NKPD1: variants seen among roughly 807,000 people sequenced by gnomAD.
The protein encoded by NKPD1 is NTPase KAP family P-loop domain-containing protein 1.
NKPD1 carries 37 observed loss-of-function variants against 42.2 expected under a neutral mutation model. The ratio of observed to expected loss-of-function variants is 0.88; its 90% CI spans 0.67 to 1.15. The LOEUF (loss-of-function observed/expected upper bound fraction) is 1.15, where lower values mean the gene tolerates loss of function less well. Among genes scored for constraint, NKPD1 ranks in the 50% most tolerant of loss-of-function variants. The pLI is 0.00. For missense variants in NKPD1, 1,113 were observed against 1,174.6 expected (o/e 0.95, Z 0.77); for synonymous variants, 552 against 536.5 (o/e 1.03, Z -0.40).
Position 45,154,452 on chromosome 19 carries a change from A to G in NKPD1, c.662-677T>C, listed in dbSNP as rs559455697. ...TTAGGGAATGCCTGAACAATAGATCATGAGAAATCTGAGGTCACAGAGTGA... is the reference window on the plus strand; with the variant it reads ...TTAGGGAATGCCTGAACAATAGATCGTGAGAAATCTGAGGTCACAGAGTGA... On this transcript the variant is annotated intron_variant, in intron 4 of 4. Coordinates refer to ENST00000686631, the MANE Select transcript of NKPD1 (RefSeq NM_198478.4). 3.0e-3 allele frequency among the ~76,000 whole-genome samples: 451 copies of G among 152,336 alleles called. 2 individuals carry two copies. The highest frequency in any genetic ancestry group is 0.01 in the African/African-American group (421 of 41,580).
rs746879248 is a variant in NKPD1 at position 45,158,450 on chromosome 19, G to A, written c.529+213C>T. ...CTGCCTGGCGCAGGATGGAGGCACG[G>A]GGCAGGCCTGGCCTGGAAGCCTTGG... On this transcript the variant is annotated intron_variant, in intron 3 of 4. Coordinates refer to ENST00000686631, the MANE Select transcript of NKPD1 (RefSeq NM_198478.4). The surrounding 1 kb of genome is among the most constrained non-coding windows in gnomAD (Gnocchi z 4.6). Among the ~76,000 whole-genome samples, 12 of 152,254 alleles carry A rather than the reference G, an allele frequency of 7.9e-5. No homozygotes were observed. The highest frequency in any genetic ancestry group is 1.6e-4 in the Non-Finnish European group (11 of 68,040).
At chr19:45,154,647 C>G (rs1029567382) in intron 4 of NKPD1, among the ~76,000 whole-genome samples, 1 of 152,160 alleles carries the variant, frequency 6.6e-6, no homozygotes, top group African/African-American at 2.4e-5. Flanking sequence ...GCTGGGCACA[C>G]GTAGGAGGAA....
rs1968784828 is a variant in NKPD1, at chr19:45,151,952, G to A, written c.2485C>T (p.Pro829Ser). The A allele has an allele frequency of 6.4e-7, 1 of 1,570,198 alleles. No individual in the cohort carries two copies. Among genetic ancestry groups the A allele is most frequent in the Non-Finnish European group, 8.7e-7 (1 of 1,153,714 alleles). ...CALFRPGQSS[P>S]GGP ...AAGTCCTCCATTTAAGGCCCACCTGGGCTGGATTGCCCTGGACGGAAGAGC... is the reference window on the plus strand; with the variant it reads ...AAGTCCTCCATTTAAGGCCCACCTGAGCTGGATTGCCCTGGACGGAAGAGC... Residue 829 changes from proline to serine, a missense_variant, in exon 5 of 5, where the codon CCA becomes TCA. Pro to Ser is a moderately conservative substitution (Grantham distance 74, BLOSUM62 -1). Coordinates refer to ENST00000686631, the MANE Select transcript of NKPD1 (RefSeq NM_198478.4).
In NKPD1 at chr19:45,152,390, C is replaced by T. The variant is rs756931210; in HGVS notation, c.2047G>A (p.Ala683Thr). 3.2e-6 allele frequency: 5 copies of T among 1,577,748 alleles called. No individual in the cohort carries two copies. The Admixed American group carries it at 7.2e-5, about 23-fold the overall frequency. ...CLEDRQQTGG[A>T]PEGRARLWDV... ...CAGAGGCGCGCGCGGCCCTCGGGCGCGCCCCCGGTCTGCTGCCGGTCCTCC... is the reference window on the plus strand; with the variant it reads ...CAGAGGCGCGCGCGGCCCTCGGGCGTGCCCCCGGTCTGCTGCCGGTCCTCC... Residue 683 changes from alanine to threonine, a missense_variant, in exon 5 of 5, where the codon GCG (alanine) becomes ACG (threonine). Around this residue, in one of 3 missense-constraint regions of NKPD1, gnomAD observed 867 missense variants for 870.1 expected, o/e 1.00. Transcript: ENST00000686631.
At chr19:45,161,434 C>T (rs1969003748), upstream of NKPD1, among the ~76,000 whole-genome samples, 1 of 152,180 alleles carries the variant, frequency 6.6e-6, no homozygotes, top group South Asian at 2.1e-4. Context: ...ATTTACCTGG[C>T]GCTGTTCTAA....
Position 45,152,074 on chromosome 19 carries a change from C to G in NKPD1, c.2363G>C (p.Arg788Thr). The change falls in exon 5 of 5, where the codon AGG becomes ACG. Residue 788 changes from arginine (R) to threonine (T), a missense_variant. By Grantham distance (71) the Arg-to-Thr change is moderately conservative. Coordinates refer to ENST00000686631, the MANE Select transcript of NKPD1 (RefSeq NM_198478.4). ...HAAHRANSAS[R>T]APPSGRASGQ... ...TGAGGCACGGCCCGACGGGGGCGCC[C>G]TGGAGGCGCTGTTGGCCCGGTGGGC... The G allele has an allele frequency of 1.9e-6, 3 of 1,607,492 alleles. No individual in the cohort carries two copies. Among genetic ancestry groups the G allele is most frequent in the Non-Finnish European group, 2.5e-6 (3 of 1,177,756 alleles).
chr19:45,154,055 G>C (rs1968856451), intron 4 of NKPD1, among the ~76,000 whole-genome samples: 1 of 152,212 alleles, frequency 6.6e-6, no homozygotes, highest in African/African-American at 2.4e-5. Flanking sequence ...GATGGGAGGA[G>C]GCAAAAAGAG....
At position 45,153,367 on chromosome 19, in the gene NKPD1, AG is replaced by A. The variant is rs773894745; in HGVS notation, c.1069del (p.Leu357CysfsTer49). 2 of 1,566,848 alleles carry A rather than the reference AG, an allele frequency of 1.3e-6. No individual in the cohort carries two copies. Among genetic ancestry groups the A allele is most frequent in the East Asian group, 2.3e-5 (1 of 42,708 alleles). ...GTGGCCGCCCAGTGACAAGTAGAGC[AG>A]CCCCACACCCAGGCCCAGCGCCGCC... ...LLAALGLGVG[L>X]LYLSLGGHAL... On this transcript the variant is annotated frameshift_variant, in exon 5 of 5. Coordinates refer to ENST00000686631, the MANE Select transcript of NKPD1 (RefSeq NM_198478.4). LOFTEE classifies it high-confidence loss of function.
Position 45,153,120 on chromosome 19 carries a change from G to A in NKPD1, c.1317C>T (p.Asp439=), listed in dbSNP as rs372482412. The change falls in exon 5 of 5, where the codon GAC becomes GAT. Residue 439 remains aspartate, a synonymous_variant. Coordinates refer to ENST00000686631, the MANE Select transcript of NKPD1 (RefSeq NM_198478.4). ...GGTAGATCTCCAGGAAGCACAGGAA[G>A]TCGGTGAGCAGCTCCACCTCCTTCT... is the stretch of plus-strand genomic sequence containing the variant. The part of the protein sequence containing the change: ...EVKKEVELLT[D]FLCFLEIYQR... 4.6e-5 allele frequency: 72 copies of A among 1,575,948 alleles called. No individual in the cohort carries two copies. The African/African-American group carries it at 9.1e-4, about 20-fold the overall frequency.
rs879620181 is a variant in NKPD1, at chr19:45,155,316, CA to C, written c.661+468del. On this transcript the variant is annotated intron_variant, in intron 4 of 4. Coordinates refer to ENST00000686631, the MANE Select transcript of NKPD1 (RefSeq NM_198478.4). ...CTGGAGACAGAGCAAGATTCCGTCT[CA>C]AAAAAAAAAAGCTGCTGGGGAACCT... Among the ~76,000 whole-genome samples, 1,076 of 141,958 alleles carry C rather than the reference CA, an allele frequency of 7.6e-3. 11 individuals are homozygous for C. Among genetic ancestry groups the C allele is most frequent in the African/African-American group, 0.025 (977 of 39,050 alleles). The allele number at this position is 141,958 out of a possible 152,430, so 93.1% of individuals were successfully genotyped here.
rs1382124925 is a variant in NKPD1, at chr19:45,152,195, G to C, written c.2242C>G (p.His748Asp). 4 of 1,596,720 alleles carry C rather than the reference G, an allele frequency of 2.5e-6. No individual in the cohort carries two copies. The highest frequency in any genetic ancestry group is 3.4e-6 in the Non-Finnish European group (4 of 1,173,228). Residue 748 changes from histidine to aspartate, a missense_variant, in exon 5 of 5, where the codon CAC becomes GAC. Physicochemically the swap from His to Asp is moderately conservative, Grantham distance 81. Coordinates refer to ENST00000686631, the MANE Select transcript of NKPD1 (RefSeq NM_198478.4). ...AGACCCATGCGCCGGCGGATGGAGT[G>C]GTCCAGGTTGACCGTGCAGCGCAGC... is the stretch of plus-strand genomic sequence containing the variant. ...SLLRCTVNLD[H>D]SIRRRMGLIR... is the part of the protein sequence containing the mutation.
chr19:45,153,465 G>A lies in NKPD1; in HGVS notation c.972C>T (p.Ala324=), dbSNP rs755758240. The change falls in exon 5 of 5, where the codon GCC becomes GCT. Residue 324 remains alanine (A), a synonymous_variant. Coordinates refer to ENST00000686631, the MANE Select transcript of NKPD1 (RefSeq NM_198478.4). ...SVYSVLGNKP[A]TRQDCCQSEW... ...CGCTCTGGCAGCAGTCCTGCCTGGT[G>A]GCCGGCTTGTTGCCCAGCACCGAGT... 1.5e-5 allele frequency: 23 copies of A among 1,550,606 alleles called. No homozygotes were observed. The African/African-American group carries it at 3.1e-4, about 21-fold the overall frequency.
chr19:45,157,372 TCTC>T (rs1175528104), intron 3 of NKPD1, among the ~76,000 whole-genome samples: 2 of 152,114 alleles, frequency 1.3e-5, no homozygotes, highest in Admixed American at 6.5e-5. Flanking sequence ...ACATCCCCCA[TCTC>T]CTGTCCCTGC....
Position 45,160,231 on chromosome 19 carries a change from G to A in NKPD1, c.-71-10C>T, listed in dbSNP as rs374265619. 5.4e-5 allele frequency: 44 copies of A among 820,620 alleles called. No individual in the cohort carries two copies. Among genetic ancestry groups the A allele is most frequent in the South Asian group, 3.8e-4 (25 of 65,938 alleles). 50.8% of individuals were successfully genotyped at this position (820,620 alleles called of 1,614,324 possible). ...AGGCTTGGCGTAGCCTCTGGGGCACGAACAGCAGAGAGCTGAGGTCAGGGT... is the reference window on the plus strand; with the variant it reads ...AGGCTTGGCGTAGCCTCTGGGGCACAAACAGCAGAGAGCTGAGGTCAGGGT... On this transcript the variant is annotated splice_polypyrimidine_tract_variant and intron_variant, in intron 1 of 4. Coordinates refer to ENST00000686631, the MANE Select transcript of NKPD1 (RefSeq NM_198478.4).
chr19:45,162,650 C>T (rs1203551512), upstream of NKPD1, among the ~76,000 whole-genome samples: 1 of 152,140 alleles, frequency 6.6e-6, no homozygotes, highest in Non-Finnish European at 1.5e-5. Context: ...CTGGCCTACA[C>T]TCCGGGCACT....
At chr19:45,162,677 A>G (rs1007683203), upstream of NKPD1, among the ~76,000 whole-genome samples, 3 of 152,204 alleles carry the variant, frequency 2.0e-5, no homozygotes, top group Non-Finnish European at 2.9e-5. Context: ...CCTGCTCCCC[A>G]GGAAGACGCT....
At position 45,152,971 on chromosome 19, in the gene NKPD1, A is replaced by T; in HGVS notation, c.1466T>A (p.Phe489Tyr). Residue 489 changes from phenylalanine to tyrosine, a missense_variant, in exon 5 of 5, where the codon TTC becomes TAC. Transcript: ENST00000686631. ...LLSDSHAPFI[F>Y]ILVVDPSILA... The stretch of plus-strand genomic sequence containing the variant: ...GATGCTGGGGTCCACGACCAGGATG[A>T]AGATGAAGGGCGCGTGGCTGTCGGA... 1 of 1,586,450 alleles carries T rather than the reference A, an allele frequency of 6.3e-7. No homozygotes were observed. Among genetic ancestry groups the T allele is most frequent in the Non-Finnish European group, 8.6e-7 (1 of 1,165,412 alleles).
Position 45,151,910 on chromosome 19 carries a change from G to C in NKPD1, c.*28C>G. On this transcript the variant is annotated 3_prime_UTR_variant, in exon 5 of 5. Coordinates refer to ENST00000686631, the MANE Select transcript of NKPD1 (RefSeq NM_198478.4). ...CATCTGGGCAGATGGAGGAACCCTT[G>C]CCTCCTGCTGCCCGCCAAGTCCTCC... 1 of 1,512,036 alleles carries C rather than the reference G, an allele frequency of 6.6e-7. No individual in the cohort carries two copies. The highest frequency in any genetic ancestry group is 8.9e-7 in the Non-Finnish European group (1 of 1,127,586). The allele number at this position is 1,512,036 out of a possible 1,614,324, so 93.7% of individuals were successfully genotyped here. A position where few individuals can be genotyped will look rare whatever the true frequency, so the allele number is the denominator to read the frequency against.
Position 45,152,703 on chromosome 19 carries a change from C to T in NKPD1, c.1734G>A (p.Ala578=), listed in dbSNP as rs948615009. The change falls in exon 5 of 5, where the codon GCG becomes GCA. Residue 578 remains alanine (A), a synonymous_variant. Transcript: ENST00000686631. Reference sequence around the variant, plus strand: ...CCTGCCCGCGCTCCGTCCCCGCCTGCGCCTGCACCGCCAGCAGCTGCGCGC... The same window carrying T: ...CCTGCCCGCGCTCCGTCCCCGCCTGTGCCTGCACCGCCAGCAGCTGCGCGC... ...GESAQLLAVQ[A]QAGTERGQGR... The T allele has an allele frequency of 5.1e-6, 8 of 1,555,320 alleles. No individual in the cohort carries two copies. The highest frequency in any genetic ancestry group is 4.1e-5 in the African/African-American group (3 of 73,024).
Sources: gnomAD v4.1 joint callset for allele counts (sites outside exome capture counted in the v4.1 genomes callset) on GRCh38, gnomAD v4.1.1 for gene constraint, gnomAD v4.1.1 regional missense constraint, Gnocchi (gnomAD v3.1) non-coding constraint, MANE v1.5 for transcripts, NCBI Gene and HGNC (gene_info 2026-07-23, HGNC 2026-07-21) for gene names.